Variants in NT5C1B observed in about 807,000 individuals in gnomAD.
The protein encoded by NT5C1B is cytosolic 5'-nucleotidase 1B.
Under a neutral mutation model 57.8 loss-of-function variants are expected in NT5C1B, and 44 were observed. That is an observed-to-expected ratio of 0.76 (90% CI 0.60 to 0.98). The LOEUF (loss-of-function observed/expected upper bound fraction) is 0.98, where lower values mean the gene tolerates loss of function less well. NT5C1B is among the 50% of genes least tolerant of loss of function. The pLI is 0.00. For missense variants in NT5C1B, 742 were observed against 719.5 expected (o/e 1.03, Z -0.36); for synonymous variants, 284 against 282.6 (o/e 1.00, Z -0.05).
At chr2:18,570,413 C>T (rs1472396671) in intron 8 of NT5C1B, among the ~76,000 whole-genome samples, 1 of 151,978 alleles carries the variant, frequency 6.6e-6, no homozygotes, top group Non-Finnish European at 1.5e-5. Context: ...GGACACATCA[C>T]TAAGGATCCT....
intron 8 of NT5C1B, among the ~76,000 whole-genome samples, chr2:18,573,133 C>T (rs901209197): frequency 6.6e-6 from 1 of 152,122 alleles, no homozygotes; most frequent in African/African-American, 2.4e-5. Flanking sequence ...GAGCCAAGTA[C>T]TGATACATGC....
chr2:18,587,668 G>T, intron 1 of NT5C1B, 76 bp from the exon 2 acceptor site: 2 of 1,506,880 alleles, frequency 1.3e-6, no homozygotes, highest in South Asian at 2.6e-5. Context: ...AGAATAAAAG[G>T]ATAAAGAAAA....
chr2:18,564,303 A>C (rs1036167315), intron 8 of NT5C1B, among the ~76,000 whole-genome samples, 184 bp from the exon 9 acceptor site: 1 of 152,250 alleles, frequency 6.6e-6, no homozygotes, highest in African/African-American at 2.4e-5. Context: ...GTTTTCTGAT[A>C]TAGAACCATC....
At chr2:18,565,627 T>C (rs1012851187) in intron 8 of NT5C1B, among the ~76,000 whole-genome samples, 4 of 152,168 alleles carry the variant, frequency 2.6e-5, no homozygotes, top group African/African-American at 9.6e-5. Flanking sequence ...TTTCTTCATT[T>C]TGAAGCCCAG....
chr2:18,571,734 A>G (rs1416498163), intron 8 of NT5C1B, among the ~76,000 whole-genome samples: 1,772 of 58,682 alleles, frequency 0.03, 75 homozygotes, highest in African/African-American at 0.13. Context: ...ATATATATAT[A>G]TATATATATA....
chr2:18,586,185 A>G (rs111562576), intron 3 of NT5C1B, 69 bp downstream of exon 3: 79,277 of 1,573,040 alleles, frequency 0.05, 2,682 homozygotes, highest in Admixed American at 0.14. Flanking sequence ...GGCACGTAGA[A>G]AGCATCAATA....
chr2:18,586,456 C>G, intron 2 of NT5C1B, 65 bp from the exon 3 acceptor site: 2 of 1,591,340 alleles, frequency 1.3e-6, no homozygotes, highest in Admixed American at 3.4e-5. Context: ...ATACGTGTGC[C>G]TGCAGAATAG....
intron 8 of NT5C1B, among the ~76,000 whole-genome samples, chr2:18,564,545 C>G (rs190359509): frequency 9.2e-5 from 14 of 152,268 alleles, no homozygotes; most frequent in Admixed American, 9.1e-4. Context: ...GAAGTATATG[C>G]TTTTGTCTAG....
chr2:18,585,261 C>T, intron 3 of NT5C1B: 2 of 691,136 alleles, frequency 2.9e-6, no homozygotes, highest in Middle Eastern at 2.5e-4. Context: ...TCCTCTTCCT[C>T]CCCCTTAGGC....
intron 8 of NT5C1B, among the ~76,000 whole-genome samples, chr2:18,569,236 A>T (rs1412036750): frequency 6.6e-6 from 1 of 152,194 alleles, no homozygotes; most frequent in African/African-American, 2.4e-5. Context: ...AAAAAATTTT[A>T]AATGAGTCAT....
At chr2:18,583,505 T>C in intron 5 of NT5C1B, 1 of 258,148 alleles carries the variant, frequency 3.9e-6, no homozygotes, top group Non-Finnish European at 7.6e-6. Flanking sequence ...ATGCTTTTAC[T>C]GTGTCTCATA....
At chr2:18,570,999 T>C (rs1006028352) in intron 8 of NT5C1B, among the ~76,000 whole-genome samples, 2 of 152,140 alleles carry the variant, frequency 1.3e-5, no homozygotes, top group Non-Finnish European at 2.9e-5. Context: ...TCATTTATTA[T>C]AAAAACTCCC....
chr2:18,584,370 G>T lies in NT5C1B; in HGVS notation c.724-115C>A. ...AGCGGGCCCCTGCTTGGAGAAGCGG[G>T]ATGCTGGAGACAGCTGAGGCTGGGA... On this transcript the variant is annotated intron_variant, in intron 4 of 8. Coordinates refer to ENST00000304081, the Ensembl canonical transcript of NT5C1B. The surrounding 1 kb of genome is among the most constrained non-coding windows in gnomAD (Gnocchi z 5.8). The T allele has an allele frequency of 6.5e-7, 1 of 1,539,598 alleles. No individual in the cohort carries two copies. Among genetic ancestry groups the T allele is most frequent in the Non-Finnish European group, 8.7e-7 (1 of 1,144,900 alleles).
At chr2:18,589,357 G>A (rs375766776) in intron 1 of NT5C1B, 82 bp downstream of exon 1, 15 of 1,577,196 alleles carry the variant, frequency 9.5e-6, no homozygotes, top group Non-Finnish European at 1.3e-5. Context: ...TCATTGCAGA[G>A]CCTTTGCAGA....
chr2:18,587,153 C>T (rs769268101), intron 2 of NT5C1B: 32 of 1,613,496 alleles, frequency 2.0e-5, no homozygotes, highest in African/African-American at 2.7e-5. Context: ...GCGAGTGATT[C>T]GGATTGACTG....
intron 6 of NT5C1B, among the ~76,000 whole-genome samples, chr2:18,577,881 AC>A (rs1359340874): frequency 6.6e-6 from 1 of 152,132 alleles, no homozygotes; most frequent in East Asian, 1.9e-4. Context: ...ACAAAGAAAA[AC>A]AGAGAGAAAA....
At chr2:18,576,685 A>G in intron 7 of NT5C1B, 88 bp downstream of exon 7, 4 of 1,566,468 alleles carry the variant, frequency 2.6e-6, no homozygotes, top group Non-Finnish European at 2.6e-6. Flanking sequence ...ACAAGACCAT[A>G]AGCCTCATAA....
intron 8 of NT5C1B, among the ~76,000 whole-genome samples, chr2:18,571,314 A>T (rs1365714858): frequency 1.3e-5 from 2 of 152,232 alleles, no homozygotes; most frequent in East Asian, 3.9e-4. Context: ...ACTAACAAGG[A>T]AATTGAACAA....
At chr2:18,579,120 T>C (rs1187961392) in intron 6 of NT5C1B, among the ~76,000 whole-genome samples, 1 of 151,806 alleles carries the variant, frequency 6.6e-6, no homozygotes, top group Non-Finnish European at 1.5e-5. Flanking sequence ...TACAAAACAC[T>C]GCGGAAAAAA....
Sources: gnomAD v4.1 joint callset for allele counts (sites outside exome capture counted in the v4.1 genomes callset) on GRCh38, gnomAD v4.1.1 for gene constraint, Gnocchi (gnomAD v3.1) non-coding constraint, MANE v1.5 for transcripts, NCBI Gene and HGNC (gene_info 2026-07-23, HGNC 2026-07-21) for gene names.